UBAP2L: variants seen among roughly 807,000 people sequenced by gnomAD.
UBAP2L encodes ubiquitin associated protein 2 like.
Under a neutral mutation model 130.6 loss-of-function variants are expected in UBAP2L, and 12 were observed. The ratio of observed to expected loss-of-function variants is 0.09; its 90% CI spans 0.06 to 0.15. The LOEUF is 0.15. Ranked by LOEUF, UBAP2L falls within the 10% of genes least tolerant of loss-of-function variation. UBAP2L has a pLI of 1.00. For synonymous variants in UBAP2L, 503 were observed against 524.7 expected, an observed-to-expected ratio of 0.96 and a Z score of 0.57; for missense variants, 965 against 1,332.5, an observed-to-expected ratio of 0.72 and a Z score of 4.29.
intron 1 of UBAP2L, among the ~76,000 whole-genome samples, chr1:154,221,648 G>T (rs1666165762): frequency 6.6e-6 from 1 of 152,202 alleles, no homozygotes; most frequent in Non-Finnish European, 1.5e-5. Flanking sequence ...CGCTGAGGGG[G>T]GTGAGCCTCC....
At chr1:154,239,745 A>T (rs1010829567) in intron 8 of UBAP2L, among the ~76,000 whole-genome samples, 1 of 152,244 alleles carries the variant, frequency 6.6e-6, no homozygotes, top group African/African-American at 2.4e-5. Flanking sequence ...GATCATGTCT[A>T]ACTCTAGGAT....
Position 154,260,899 on chromosome 1 carries a change from C to G in UBAP2L, c.2586C>G (p.Leu862=). ...SLASNPYSGD[L]TKFGRGDASS... is the part of the protein sequence containing the mutation. ...TAGCTTCTCCTGTCACAGGTGACCTCACAAAGTTCGGCCGTGGGGATGCCT... is the reference window on the plus strand; with the variant it reads ...TAGCTTCTCCTGTCACAGGTGACCTGACAAAGTTCGGCCGTGGGGATGCCT... Residue 862 remains leucine (L), a synonymous_variant, in exon 23 of 27, where the codon CTC becomes CTG. Transcript: ENST00000428931. 1 of 1,614,186 alleles carries G rather than the reference C, an allele frequency of 6.2e-7. No homozygotes were observed. Among genetic ancestry groups the G allele is most frequent in the Non-Finnish European group, 8.5e-7 (1 of 1,180,026 alleles).
At chr1:154,268,711 GT>G (rs1684077009) in intron 25 of UBAP2L, 45 bp from the exon 26 acceptor site, 1 of 1,597,658 alleles carries the variant, frequency 6.3e-7, no homozygotes, top group Non-Finnish European at 8.6e-7. Context: ...CCCAAGACTA[GT>G]TTGCTGATCC....
chr1:154,267,867 C>T (rs1441733580), intron 25 of UBAP2L, among the ~76,000 whole-genome samples: 6 of 110,526 alleles, frequency 5.4e-5, no homozygotes, highest in East Asian at 2.5e-4. Context: ...CACATTCCAT[C>T]CTCTTATTTG....
intron 10 of UBAP2L, among the ~76,000 whole-genome samples, chr1:154,244,335 A>G (rs372429766): frequency 7.9e-4 from 121 of 152,274 alleles, no homozygotes; most frequent in African/African-American, 2.7e-3. Context: ...ACTCACTAGA[A>G]TGACTGAACT....
rs556716322 is a variant in UBAP2L, at chr1:154,253,979, A to G, written c.1744A>G (p.Thr582Ala). The G allele has an allele frequency of 2.5e-6, 4 of 1,613,626 alleles. No individual in the cohort carries two copies. In the Admixed American group the frequency reaches 6.7e-5, roughly 27 times the overall value. ...CGGCCCAATTCAGTCGACAACCTAT[A>G]CCTCCCAAAATAATGCTCAGGGCCC... ...QSGPIQSTTY[T>A]SQNNAQGPLY... Residue 582 changes from threonine (T) to alanine (A), a missense_variant, in exon 15 of 27, where the codon ACC (threonine) becomes GCC (alanine). Coordinates refer to ENST00000428931, the MANE Select transcript of UBAP2L (RefSeq NM_014847.4).
chr1:154,243,392 C>A, intron 10 of UBAP2L, 90 bp downstream of exon 10: 2 of 1,108,342 alleles, frequency 1.8e-6, no homozygotes, highest in Non-Finnish European at 1.3e-6. Flanking sequence ...TGTAAACTCC[C>A]ATGGTGTCAA....
intron 4 of UBAP2L, among the ~76,000 whole-genome samples, chr1:154,234,134 G>A (rs946447167): frequency 6.6e-6 from 1 of 152,158 alleles, no homozygotes; most frequent in African/African-American, 2.4e-5. Flanking sequence ...GCCGAGGTGG[G>A]TGGACCACCT....
intron 24 of UBAP2L, 70 bp downstream of exon 24, chr1:154,261,767 C>T (rs1681622424): frequency 6.7e-7 from 1 of 1,493,026 alleles, no homozygotes; most frequent in Non-Finnish European, 9.3e-7. Context: ...GGGAGGAAGA[C>T]TTGGTGCTTG....
At chr1:154,241,798 G>T in intron 9 of UBAP2L, 1 of 984,796 alleles carries the variant, frequency 1.0e-6, no homozygotes, top group Non-Finnish European at 1.2e-6. Flanking sequence ...GTGCACTTGT[G>T]TAAGTCCAAT....
upstream of UBAP2L, chr1:154,220,632 G>A: frequency 3.4e-6 from 2 of 592,106 alleles, no homozygotes; most frequent in Non-Finnish European, 6.0e-6. Flanking sequence ...GACTCAGGCA[G>A]GCAATGGCAC....
chr1:154,230,360 G>T (rs1050245313), intron 4 of UBAP2L, among the ~76,000 whole-genome samples: 2 of 152,188 alleles, frequency 1.3e-5, no homozygotes, highest in Non-Finnish European at 2.9e-5. Context: ...AATGCAGGAG[G>T]TTTGTCAATT....
intron 3 of UBAP2L, 149 bp downstream of exon 3, chr1:154,227,508 A>T: frequency 1.5e-6 from 1 of 651,142 alleles, no homozygotes; most frequent in South Asian, 2.0e-5. Flanking sequence ...GCCAATAAAT[A>T]AGTGCTTTCA....
At position 154,270,770 on chromosome 1, in the gene UBAP2L, G is replaced by GTTTTTTTTTTTTTTTTTTTTT; in HGVS notation, c.*491_*492insTTTTTTTTTTTTTTTTTTTTT. 2 of 920,444 alleles carry GTTTTTTTTTTTTTTTTTTTTT rather than the reference G, an allele frequency of 2.2e-6. No homozygotes were observed. The highest frequency in any genetic ancestry group is 2.4e-5 in the African/African-American group (1 of 41,892). The allele number at this position is 920,444 out of a possible 1,614,324, so 57.0% of individuals were successfully genotyped here. On this transcript the variant is annotated 3_prime_UTR_variant, in exon 27 of 27. Transcript: ENST00000428931. ...AATTAGTTGAAGTGGTTTTTTTTTT[G>GTTTTTTTTTTTTTTTTTTTTT]TTTTTTTTTTTTTTTTGTACTGTGT...
intron 24 of UBAP2L, chr1:154,263,058 T>G (rs1236809306): frequency 9.1e-6 from 14 of 1,545,434 alleles, no homozygotes; most frequent in South Asian, 1.2e-5. Flanking sequence ...ACAAAGGGCT[T>G]TTGTCATTCC....
At chr1:154,240,935 T>TCCC (rs71096517) in intron 8 of UBAP2L, among the ~76,000 whole-genome samples, 9 of 80,738 alleles carry the variant, frequency 1.1e-4, no homozygotes, top group African/African-American at 3.9e-4. Context: ...TGTCTGTCTG[T>TCCC]CCCCCCCCCC....
At chr1:154,263,228 C>A in intron 24 of UBAP2L, 1 of 1,546,526 alleles carries the variant, frequency 6.5e-7, no homozygotes, top group Non-Finnish European at 8.7e-7. Flanking sequence ...GAAACCAGAC[C>A]ACTGAGGAGA....
intron 4 of UBAP2L, among the ~76,000 whole-genome samples, chr1:154,233,324 C>CT (rs1390078061): frequency 4.8e-5 from 7 of 146,702 alleles, no homozygotes; most frequent in African/African-American, 7.6e-5. Context: ...CCTTTTTTTT[C>CT]TTTTTTTTTC....
chr1:154,258,300 T>C (rs1680352124), intron 20 of UBAP2L, among the ~76,000 whole-genome samples: 2 of 152,342 alleles, frequency 1.3e-5, no homozygotes, highest in Admixed American at 1.3e-4. Context: ...TCTGATTTGA[T>C]TAAATCCCTA....
Sources: gnomAD v4.1 joint callset for allele counts (sites outside exome capture counted in the v4.1 genomes callset) on GRCh38, gnomAD v4.1.1 for gene constraint, MANE v1.5 for transcripts, NCBI Gene and HGNC (gene_info 2026-07-23, HGNC 2026-07-21) for gene names.